Variants in SMYD3 observed in about 807,000 individuals in gnomAD.
The protein encoded by SMYD3 is SET and MYND domain containing 3, also known as histone-lysine N-methyltransferase SMYD3.
In SMYD3, 36 loss-of-function variants were observed where a neutral mutation model predicts 57.7. That is an observed-to-expected ratio of 0.62 (90% CI 0.48 to 0.82). SMYD3 has a LOEUF of 0.82. SMYD3 is among the 40% of genes least tolerant of loss of function. SMYD3 has a pLI of 0.00. For synonymous variants in SMYD3, 211 were observed against 195.0 expected (o/e 1.08, Z -0.68); for missense variants, 515 against 538.8 (o/e 0.96, Z 0.44).
chr1:246,450,661 T>C (rs888548483), intron 1 of SMYD3, among the ~76,000 whole-genome samples: 2 of 152,200 alleles, frequency 1.3e-5, no homozygotes, highest in African/African-American at 4.8e-5. Flanking sequence ...AGGAATCATA[T>C]TCGACACTGA....
chr1:246,425,037 A>C (rs773796952), intron 1 of SMYD3, among the ~76,000 whole-genome samples: 12 of 152,214 alleles, frequency 7.9e-5, no homozygotes, highest in Admixed American at 1.3e-4. Flanking sequence ...CTTACTTTGT[A>C]AAAATAAATA....
chr1:246,023,475 GT>G (rs2059510056), intron 5 of SMYD3, among the ~76,000 whole-genome samples: 1 of 151,956 alleles, frequency 6.6e-6, no homozygotes, highest in Admixed American at 6.6e-5. Context: ...TTCCCCCACA[GT>G]TTTCAGTAGA....
At chr1:246,379,131 T>C (rs2066346437) in intron 1 of SMYD3, among the ~76,000 whole-genome samples, 1 of 147,390 alleles carries the variant, frequency 6.8e-6, no homozygotes, top group Non-Finnish European at 1.5e-5. Context: ...CCATTACTTC[T>C]GTCCCTCTGG....
At chr1:245,841,140 G>A (rs979650609) in intron 10 of SMYD3, among the ~76,000 whole-genome samples, 2 of 152,178 alleles carry the variant, frequency 1.3e-5, no homozygotes, top group African/African-American at 4.8e-5. Flanking sequence ...AGGTCAATTT[G>A]CTGAAAGACC....
chr1:245,778,156 G>C (rs1225910373), intron 10 of SMYD3, among the ~76,000 whole-genome samples: 1 of 152,134 alleles, frequency 6.6e-6, no homozygotes, highest in Admixed American at 6.5e-5. Flanking sequence ...GATATTTGTA[G>C]ATATAGACAA....
At chr1:245,986,749 A>G (rs569701945) in intron 5 of SMYD3, among the ~76,000 whole-genome samples, 3 of 152,340 alleles carry the variant, frequency 2.0e-5, no homozygotes, top group Non-Finnish European at 4.4e-5. Context: ...GGCTGGCAAG[A>G]ACGGGTCATC....
Position 246,136,907 on chromosome 1 carries a change from A to G in SMYD3, c.531+190294T>C, listed in dbSNP as rs142213177. On this transcript the variant is annotated intron_variant, in intron 5 of 11. Coordinates refer to ENST00000490107, the MANE Select transcript of SMYD3 (RefSeq NM_001167740.2). Reference sequence around the variant, plus strand: ...ACAGTCTGCCCAACTGTATGCACAGACCTAACTAAAAGCAATGAGAGTTCA... The same window carrying G: ...ACAGTCTGCCCAACTGTATGCACAGGCCTAACTAAAAGCAATGAGAGTTCA... Among the ~76,000 whole-genome samples, 194 of 152,312 alleles carry G rather than the reference A, an allele frequency of 1.3e-3. 1 individual carries two copies. The highest frequency in any genetic ancestry group is 4.4e-3 in the African/African-American group (181 of 41,568).
chr1:245,845,190 A>C (rs1333734385), intron 10 of SMYD3, among the ~76,000 whole-genome samples: 1 of 152,182 alleles, frequency 6.6e-6, no homozygotes, highest in Non-Finnish European at 1.5e-5. Flanking sequence ...AGACCAAAAA[A>C]ACACTGAGCT....
At chr1:245,788,098 A>G (rs1308316179) in intron 10 of SMYD3, among the ~76,000 whole-genome samples, 1 of 152,010 alleles carries the variant, frequency 6.6e-6, no homozygotes, top group Non-Finnish European at 1.5e-5. Flanking sequence ...CTAGATTAGC[A>G]CAGGGAACAG....
chr1:245,900,415 T>C (rs1449155443), intron 8 of SMYD3, among the ~76,000 whole-genome samples: 1 of 152,148 alleles, frequency 6.6e-6, no homozygotes, highest in Non-Finnish European at 1.5e-5. Context: ...TATTACCCCA[T>C]CTTTTTTCTC....
chr1:245,758,248 CCTTG>C (rs1451146945), intron 11 of SMYD3, among the ~76,000 whole-genome samples: 2 of 152,052 alleles, frequency 1.3e-5, no homozygotes, highest in Admixed American at 1.3e-4. Context: ...TATCCTGCTA[CCTTG>C]CTTAATTCAC....
intron 8 of SMYD3, among the ~76,000 whole-genome samples, chr1:245,889,059 T>A (rs1212672322): frequency 6.6e-6 from 1 of 152,192 alleles, no homozygotes; most frequent in Non-Finnish European, 1.5e-5. Flanking sequence ...TATTGTGAAA[T>A]TTAACCTCTT....
chr1:245,995,832 C>T lies in SMYD3; in HGVS notation c.532-65895G>A, dbSNP rs996881351. ...TGTGTGGCAAGGATGCATCAGAGAG[C>T]CAATAGACATGCACAGGGGGCAGGC... On this transcript the variant is annotated intron_variant, in intron 5 of 11. Transcript: ENST00000490107. 3.9e-5 allele frequency among the ~76,000 whole-genome samples: 6 copies of T among 152,248 alleles called. 1 individual carries two copies. Among genetic ancestry groups the T allele is most frequent in the Middle Eastern group, 6.8e-3 (2 of 294 alleles).
rs185775502 is a variant in SMYD3 at position 246,247,642 on chromosome 1, G to A, written c.531+79559C>T. Among the ~76,000 whole-genome samples the A allele has an allele frequency of 1.6e-3, 242 of 151,964 alleles. 1 individual carries two copies. The highest frequency in any genetic ancestry group is 5.7e-3 in the African/African-American group (237 of 41,430). ...CTATATATAAGAGAGGCTAGCTGCG[G>A]CTCCTGAGTCAGCTACTCATCACTC... On this transcript the variant is annotated intron_variant, in intron 5 of 11. Coordinates refer to ENST00000490107, the MANE Select transcript of SMYD3 (RefSeq NM_001167740.2).
intron 1 of SMYD3, among the ~76,000 whole-genome samples, chr1:246,425,745 T>G (rs1365803556): frequency 6.6e-6 from 1 of 152,164 alleles, no homozygotes; most frequent in Non-Finnish European, 1.5e-5. Flanking sequence ...TTACAGGTGC[T>G]TCCTGGGATC....
At chr1:246,002,273 C>T (rs972835148) in intron 5 of SMYD3, among the ~76,000 whole-genome samples, 12 of 133,522 alleles carry the variant, frequency 9.0e-5, no homozygotes, top group Non-Finnish European at 1.5e-4. Context: ...CAAGCTCCGC[C>T]TCCCGGGTTC....
Position 246,423,960 on chromosome 1 carries a change from G to GA in SMYD3, c.165-68867dup, listed in dbSNP as rs200751841. ...TCAAGCCAGAATTCTATATCTAGCAGAAAAATCATTAAAAATAAAGGCAAA... is the reference window on the plus strand; with the variant it reads ...TCAAGCCAGAATTCTATATCTAGCAGAAAAAATCATTAAAAATAAAGGCAAA... On this transcript the variant is annotated intron_variant, in intron 1 of 11. Transcript: ENST00000490107. 4.6e-3 allele frequency among the ~76,000 whole-genome samples: 701 copies of GA among 152,216 alleles called. 9 individuals are homozygous for GA. Among genetic ancestry groups the GA allele is most frequent in the African/African-American group, 0.016 (656 of 41,542 alleles).
intron 8 of SMYD3, among the ~76,000 whole-genome samples, chr1:245,913,311 A>G (rs1365105555): frequency 6.7e-6 from 1 of 149,180 alleles, no homozygotes; most frequent in South Asian, 2.2e-4. Context: ...GAATTGAACA[A>G]TGAGAACACA....
At chr1:245,951,895 CA>C in intron 5 of SMYD3, among the ~76,000 whole-genome samples, 1 of 152,216 alleles carries the variant, frequency 6.6e-6, no homozygotes, top group South Asian at 2.1e-4. Flanking sequence ...TTATTTTGCA[CA>C]AATGCTCTCA....
Sources: gnomAD v4.1 joint callset for allele counts (sites outside exome capture counted in the v4.1 genomes callset) on GRCh38, gnomAD v4.1.1 for gene constraint, MANE v1.5 for transcripts, NCBI Gene and HGNC (gene_info 2026-07-23, HGNC 2026-07-21) for gene names.